DENND2B: variants seen among roughly 807,000 people sequenced by gnomAD.
DENND2B encodes the protein DENN domain containing 2B, also known as DENN domain-containing protein 2B.
A neutral mutation model predicts 116.0 loss-of-function variants in DENND2B; 32 were observed. The ratio of observed to expected loss-of-function variants is 0.28; its 90% CI spans 0.21 to 0.37. DENND2B has a LOEUF of 0.37. Ranked by LOEUF, DENND2B falls within the 10% of genes least tolerant of loss-of-function variation. DENND2B has a pLI of 1.00. For synonymous variants in DENND2B, 588 were observed against 583.9 expected (o/e 1.01, Z -0.10); for missense variants, 1,276 against 1,477.7 (o/e 0.86, Z 2.24).
chr11:8,769,257 G>A (rs1420362871), intron 1 of DENND2B, among the ~76,000 whole-genome samples: 2 of 137,608 alleles, frequency 1.5e-5, no homozygotes, highest in African/African-American at 5.4e-5. Context: ...TTTTTTTTGA[G>A]ACAAGAGTCT....
intron 16 of DENND2B, 114 bp downstream of exon 16, chr11:8,698,819 A>T: frequency 8.0e-7 from 1 of 1,257,586 alleles, no homozygotes; most frequent in South Asian, 1.2e-5. Flanking sequence ...CTAGTCTGTG[A>T]GTAGTACTGA....
At chr11:8,764,707 G>A (rs1041936309) in intron 1 of DENND2B, among the ~76,000 whole-genome samples, 3 of 152,092 alleles carry the variant, frequency 2.0e-5, no homozygotes, top group African/African-American at 7.2e-5. Flanking sequence ...GGTGGCTCAC[G>A]CCTGTAATTC....
intron 1 of DENND2B, among the ~76,000 whole-genome samples, chr11:8,806,699 A>G (rs1011142196): frequency 1.3e-5 from 2 of 149,678 alleles, no homozygotes; most frequent in Admixed American, 6.8e-5. Context: ...TTCTATCAGC[A>G]CAATATTACG....
chr11:8,767,074 G>A (rs1593372387), intron 1 of DENND2B, among the ~76,000 whole-genome samples: 1 of 152,166 alleles, frequency 6.6e-6, no homozygotes, highest in Admixed American at 6.5e-5. Flanking sequence ...CTCACCTATC[G>A]CCTGAGCCCA....
chr11:8,855,089 G>A (rs905742200), intron 3 of DENND2B, among the ~76,000 whole-genome samples: 2 of 151,698 alleles, frequency 1.3e-5, no homozygotes, highest in Non-Finnish European at 2.9e-5. Flanking sequence ...AGGCTACAGT[G>A]AGCTGTGTTC....
At chr11:8,873,401 G>GA (rs1278372113), upstream of DENND2B, among the ~76,000 whole-genome samples, 1 of 152,048 alleles carries the variant, frequency 6.6e-6, no homozygotes, top group Non-Finnish European at 1.5e-5. Flanking sequence ...TAATTCTTAG[G>GA]AAAAAAACTT....
At chr11:8,823,790 G>A (rs1192528329) in intron 4 of DENND2B, among the ~76,000 whole-genome samples, 1 of 152,038 alleles carries the variant, frequency 6.6e-6, no homozygotes, top group Admixed American at 6.5e-5. Flanking sequence ...GCATGAGAAT[G>A]GACTAATACA....
intron 1 of DENND2B, among the ~76,000 whole-genome samples, chr11:8,754,025 G>GCACACA (rs58878035): frequency 2.2e-3 from 18 of 8,054 alleles, no homozygotes; most frequent in Admixed American, 3.1e-3. Flanking sequence ...AACACCAAAA[G>GCACACA]CGCGCACACA....
Position 8,880,345 on chromosome 11 carries a change from C to CTGGGTGTGTGTGTGTGTG in DENND2B, c.-156+664_-156+665insCACACACACACACACCCA, listed in dbSNP as rs71485245. Among the ~76,000 whole-genome samples the CTGGGTGTGTGTGTGTGTG allele has an allele frequency of 2.5e-5, 3 of 120,650 alleles. No homozygotes were observed. The South Asian group carries it at 9.2e-4, about 37-fold the overall frequency. 79.2% of individuals were successfully genotyped at this position (120,650 alleles called of 152,430 possible). ...ATGCACTGGAAGCTGTCACTTTGAACTGTGTGTGTGTGTGTGTGTGTGTGT... is the reference window on the plus strand; with the variant it reads ...ATGCACTGGAAGCTGTCACTTTGAACTGGGTGTGTGTGTGTGTGTGTGTGTGTGTGTGTGTGTGTGTGT... On this transcript the variant is annotated intron_variant, in intron 2 of 22. Transcript: ENST00000534127.
chr11:8,724,843 T>C (rs2046822832), intron 4 of DENND2B, among the ~76,000 whole-genome samples: 1 of 152,212 alleles, frequency 6.6e-6, no homozygotes, highest in Non-Finnish European at 1.5e-5. Flanking sequence ...TAATGTCTCC[T>C]CCAAGGACAA....
intron 2 of DENND2B, among the ~76,000 whole-genome samples, chr11:8,740,659 T>C (rs1272669810): frequency 1.3e-5 from 2 of 152,076 alleles, no homozygotes; most frequent in East Asian, 3.9e-4. Flanking sequence ...TGTCTGCAGG[T>C]GAAGGTTATA....
At chr11:8,852,026 C>CA (rs1312568674) in intron 3 of DENND2B, among the ~76,000 whole-genome samples, 1 of 152,186 alleles carries the variant, frequency 6.6e-6, no homozygotes, top group East Asian at 1.9e-4. Context: ...GGTATAAAAG[C>CA]AACTCCCTAT....
At chr11:8,894,383 C>CA (rs2064073301) in intron 1 of DENND2B, among the ~76,000 whole-genome samples, 1 of 151,976 alleles carries the variant, frequency 6.6e-6, no homozygotes, top group Non-Finnish European at 1.5e-5. Context: ...GCAACAAAAG[C>CA]GAAAATTGAC....
chr11:8,727,902 T>G (rs969861890), intron 3 of DENND2B, among the ~76,000 whole-genome samples: 15 of 146,068 alleles, frequency 1.0e-4, no homozygotes, highest in African/African-American at 3.8e-4. Context: ...CTCCCCAGGT[T>G]TTTTTTTTTT....
rs553058444 is a variant in DENND2B, at chr11:8,718,644, G to A, written c.1478-752C>T. On this transcript the variant is annotated intron_variant, in intron 4 of 19. Coordinates refer to ENST00000313726, the MANE Select transcript of DENND2B (RefSeq NM_213618.2). The stretch of plus-strand genomic sequence containing the variant: ...AACAAACTCTCCTGCTGTGACACAG[G>A]GGAGGTGTGAAAGGCTTGGAAGGAG... 35 of 1,291,720 alleles carry A rather than the reference G, an allele frequency of 2.7e-5. No individual in the cohort carries two copies. In the African/African-American group the frequency reaches 4.5e-4, roughly 17 times the overall value. The allele number at this position is 1,291,720 out of a possible 1,614,324, so 80.0% of individuals were successfully genotyped here.
intron 6 of DENND2B, 124 bp from the exon 7 acceptor site, chr11:8,714,830 T>A (rs1400323270): frequency 3.8e-6 from 3 of 793,986 alleles, no homozygotes; most frequent in Non-Finnish European, 6.1e-6. Context: ...ACCCGCTGGG[T>A]CCAGGACTGG....
At chr11:8,882,578 A>C (rs2063914479) in intron 1 of DENND2B, among the ~76,000 whole-genome samples, 1 of 152,260 alleles carries the variant, frequency 6.6e-6, no homozygotes, top group South Asian at 2.1e-4. Context: ...ATACAGTATA[A>C]ATATTTGACT....
At chr11:8,872,449 T>C (rs372430308), upstream of DENND2B, among the ~76,000 whole-genome samples, 1 of 142,998 alleles carries the variant, frequency 7.0e-6, no homozygotes, top group East Asian at 2.0e-4. Context: ...ATCGCACCAC[T>C]GCATTCCAGC....
intron 1 of DENND2B, 41 bp from the exon 2 acceptor site, chr11:8,750,766 C>G: frequency 6.3e-7 from 1 of 1,583,448 alleles, no homozygotes; most frequent in South Asian, 1.1e-5. Context: ...TTTCTATAGG[C>G]AGCCAAAAGC....
Sources: allele counts gnomAD v4.1 joint callset (sites outside exome capture counted in the v4.1 genomes callset), GRCh38; gene constraint gnomAD v4.1.1; transcripts MANE v1.5; gene names NCBI Gene and HGNC (gene_info 2026-07-23, HGNC 2026-07-21).